LINGO2: variants seen among roughly 807,000 people sequenced by gnomAD.
The protein encoded by LINGO2 is leucine rich repeat and Ig domain containing 2.
In LINGO2, 14 loss-of-function variants were observed where a neutral mutation model predicts 30.6. That is an observed-to-expected ratio of 0.46 (90% CI 0.30 to 0.72). The LOEUF is 0.72. Among genes scored for constraint, LINGO2 ranks in the 30% least tolerant of loss-of-function variants. The pLI is 0.07. For missense variants in LINGO2, 729 were observed against 751.7 expected (o/e 0.97, Z 0.35); for synonymous variants, 317 against 288.5 (o/e 1.10, Z -1.00).
intron 4 of LINGO2, among the ~76,000 whole-genome samples, chr9:28,176,390 G>T (rs1828751650): frequency 6.6e-6 from 1 of 152,110 alleles, no homozygotes; most frequent in South Asian, 2.1e-4. Context: ...ATGGTACTTT[G>T]TCTATACATC....
intron 1 of LINGO2, among the ~76,000 whole-genome samples, chr9:28,569,498 C>T (rs558011719): frequency 6.6e-6 from 1 of 151,694 alleles, no homozygotes; most frequent in South Asian, 2.1e-4. Context: ...CATAGATGAC[C>T]TAGAGGACAT....
chr9:29,045,062 A>G, the LINGO2 span, among the ~76,000 whole-genome samples: 2 of 152,074 alleles, frequency 1.3e-5, no homozygotes, highest in Non-Finnish European at 2.9e-5. Flanking sequence ...GATTTTTACA[A>G]CAGTTGATTG....
the LINGO2 span, among the ~76,000 whole-genome samples, chr9:28,988,334 G>A: frequency 1.3e-5 from 2 of 152,148 alleles, no homozygotes; most frequent in Non-Finnish European, 2.9e-5. Flanking sequence ...TTTTGTCTGT[G>A]ATAAGAATAG....
Position 28,208,569 on chromosome 9 carries a change from G to A in LINGO2, c.-87+86639C>T, listed in dbSNP as rs114018555. Among the ~76,000 whole-genome samples the A allele has an allele frequency of 6.1e-3, 922 of 151,970 alleles. 16 individuals carry two copies. The highest frequency in any genetic ancestry group is 0.021 in the African/African-American group (868 of 41,472). ...AATTCTCATTTCCTGGGTTCAAGAC[G>A]GTGCCTCCCCTTTCTTTCACTGTAT... On this transcript the variant is annotated intron_variant, in intron 4 of 5. Coordinates refer to ENST00000379992, the Ensembl canonical transcript of LINGO2.
chr9:28,364,897 C>T (rs1421043014), intron 3 of LINGO2, among the ~76,000 whole-genome samples: 2 of 152,136 alleles, frequency 1.3e-5, no homozygotes, highest in Non-Finnish European at 2.9e-5. Context: ...TTATTTCATT[C>T]ATTCAAATAA....
chr9:28,296,233 A>C (rs564770965), intron 3 of LINGO2, among the ~76,000 whole-genome samples: 1 of 152,308 alleles, frequency 6.6e-6, no homozygotes, highest in East Asian at 1.9e-4. Flanking sequence ...CTGACACATA[A>C]ACAACACTTC....
At chr9:28,517,815 T>TC (rs1301523773) in intron 1 of LINGO2, among the ~76,000 whole-genome samples, 2 of 152,244 alleles carry the variant, frequency 1.3e-5, no homozygotes, top group Middle Eastern at 3.4e-3. Flanking sequence ...AAGCCTATTT[T>TC]CCCCAATAGA....
rs1824566682 is a variant in LINGO2, at chr9:28,049,369, C to G, written c.-86-36964G>C. Among the ~76,000 whole-genome samples the G allele has an allele frequency of 1.3e-5, 2 of 150,730 alleles. 1 individual carries two copies. The highest frequency in any genetic ancestry group is 4.3e-4 in the South Asian group (2 of 4,704). On this transcript the variant is annotated intron_variant, in intron 4 of 5. Coordinates refer to ENST00000379992, the Ensembl canonical transcript of LINGO2. The stretch of plus-strand genomic sequence containing the variant: ...TACTAGGGTTAGGCTATTTTAGAAC[C>G]CCCAAGGTGGTATCAAATTCAACAT...
chr9:28,433,380 GC>G (rs1035364922), intron 2 of LINGO2, among the ~76,000 whole-genome samples: 35 of 152,110 alleles, frequency 2.3e-4, no homozygotes, highest in Middle Eastern at 3.4e-3. Flanking sequence ...TTGCAAAGAT[GC>G]AACATATCAG....
chr9:29,005,731 GT>G, the LINGO2 span, among the ~76,000 whole-genome samples: 1 of 151,830 alleles, frequency 6.6e-6, no homozygotes, highest in Non-Finnish European at 1.5e-5. Context: ...ACGTATGCAG[GT>G]TTTGCATCCC....
At chr9:28,649,795 A>C (rs1481977171) in intron 1 of LINGO2, among the ~76,000 whole-genome samples, 1 of 152,092 alleles carries the variant, frequency 6.6e-6, no homozygotes, top group African/African-American at 2.4e-5. Flanking sequence ...AAATACAAGA[A>C]GGGGTTGTAC....
chr9:29,083,423 G>A, the LINGO2 span, among the ~76,000 whole-genome samples: 1 of 151,976 alleles, frequency 6.6e-6, no homozygotes, highest in African/African-American at 2.4e-5. Context: ...TCACACACTG[G>A]GGCCTGTTGT....
intron 4 of LINGO2, among the ~76,000 whole-genome samples, chr9:28,150,240 C>T (rs551148683): frequency 6.6e-6 from 1 of 152,254 alleles, no homozygotes; most frequent in South Asian, 2.1e-4. Flanking sequence ...CCCTCACCAT[C>T]TGGGAAGTGA....
chr9:28,085,397 C>A (rs753995536), intron 4 of LINGO2, among the ~76,000 whole-genome samples: 1 of 152,042 alleles, frequency 6.6e-6, no homozygotes, highest in Non-Finnish European at 1.5e-5. Flanking sequence ...TACATATAAC[C>A]TTTAATGGAT....
the LINGO2 span, among the ~76,000 whole-genome samples, chr9:29,139,187 T>C: frequency 6.6e-6 from 1 of 152,086 alleles, no homozygotes; most frequent in Non-Finnish European, 1.5e-5. Context: ...ACTGAATCCA[T>C]CCAACAACCA....
chr9:28,786,063 A>T, the LINGO2 span, among the ~76,000 whole-genome samples: 2 of 152,188 alleles, frequency 1.3e-5, no homozygotes, highest in Non-Finnish European at 2.9e-5. Flanking sequence ...ATTGTTCTGT[A>T]ATGCATCTTC....
At chr9:29,066,754 A>G in the LINGO2 span, among the ~76,000 whole-genome samples, 1 of 152,016 alleles carries the variant, frequency 6.6e-6, no homozygotes, top group African/African-American at 2.4e-5. Flanking sequence ...TATAGTACCA[A>G]TTTAAGACCT....
the LINGO2 span, among the ~76,000 whole-genome samples, chr9:29,020,133 G>A: frequency 6.6e-6 from 1 of 152,116 alleles, no homozygotes; most frequent in Non-Finnish European, 1.5e-5. Flanking sequence ...AATGTTTAAG[G>A]TAAAACACTG....
At chr9:27,977,808 G>C (rs1024574476) in intron 5 of LINGO2, among the ~76,000 whole-genome samples, 1 of 151,616 alleles carries the variant, frequency 6.6e-6, no homozygotes, top group Admixed American at 6.6e-5. Context: ...AAAAGGAAGA[G>C]AAAACAAGAA....
Sources: allele counts gnomAD v4.1 joint callset (sites outside exome capture counted in the v4.1 genomes callset), GRCh38; gene constraint gnomAD v4.1.1; transcripts MANE v1.5; gene names NCBI Gene and HGNC (gene_info 2026-07-23, HGNC 2026-07-21).